MAPK1IP1L: variants seen among roughly 807,000 people sequenced by gnomAD.
MAPK1IP1L encodes the protein mitogen-activated protein kinase 1 interacting protein 1 like.
A neutral mutation model predicts 18.1 loss-of-function variants in MAPK1IP1L; 10 were observed. The ratio of observed to expected loss-of-function variants is 0.55; its 90% CI spans 0.34 to 0.94. MAPK1IP1L has a LOEUF of 0.94. Among genes scored for constraint, MAPK1IP1L ranks in the 40% least tolerant of loss-of-function variants. The pLI, the probability that MAPK1IP1L is intolerant of heterozygous loss-of-function variation, is 0.02. For missense variants in MAPK1IP1L, 260 were observed against 318.2 expected (o/e 0.82, Z 1.39); for synonymous variants, 115 against 117.3 (o/e 0.98, Z 0.13).
chr14:55,061,852 C>T, intron 2 of MAPK1IP1L, 151 bp downstream of exon 2: 1 of 590,548 alleles, frequency 1.7e-6, no homozygotes. Context: ...TTGGGAGGAT[C>T]CCTTGACCCC....
At chr14:55,059,618 G>A (rs2042799990) in intron 1 of MAPK1IP1L, among the ~76,000 whole-genome samples, 1 of 152,206 alleles carries the variant, frequency 6.6e-6, no homozygotes, top group South Asian at 2.1e-4. Flanking sequence ...GGAAATGAAG[G>A]AGGCTCTATA....
chr14:55,066,251 T>C lies in MAPK1IP1L; in HGVS notation c.*1624T>C, dbSNP rs1271058654. 3 of 152,210 alleles carry C rather than the reference T, an allele frequency of 2.0e-5. No individual in the cohort carries two copies. The highest frequency in any genetic ancestry group is 3.8e-4 in the East Asian group (2 of 5,202). 9.4% of individuals were successfully genotyped at this position (152,210 alleles called of 1,614,324 possible). A position where few individuals can be genotyped will look rare whatever the true frequency, so the allele number is the denominator to read the frequency against. On this transcript the variant is annotated 3_prime_UTR_variant, in exon 4 of 4. Transcript: ENST00000395468. ...TTTTTTGGTTTGATAGCTACCTCCT[T>C]CTAAGAAAGCAAAATGGTTACCTTT...
At chr14:55,064,156 G>C (rs1276615907) in intron 3 of MAPK1IP1L, among the ~76,000 whole-genome samples, 1 of 151,566 alleles carries the variant, frequency 6.6e-6, no homozygotes, top group Non-Finnish European at 1.5e-5. Context: ...CACCACACCG[G>C]CTCATTTTTG....
In MAPK1IP1L at chr14:55,051,767, C is replaced by T. The variant is rs2042730205; in HGVS notation, c.-41C>T. The T allele has an allele frequency of 2.0e-6, 1 of 512,292 alleles. No homozygotes were observed. Among genetic ancestry groups the T allele is most frequent in the African/African-American group, 2.0e-5 (1 of 50,538 alleles). The allele number at this position is 512,292 out of a possible 1,614,324, so 31.7% of individuals were successfully genotyped here. A position where few individuals can be genotyped will look rare whatever the true frequency, so the allele number is the denominator to read the frequency against. On this transcript the variant is annotated 5_prime_UTR_variant, in exon 1 of 4. Transcript: ENST00000395468. ...GGGCCCAGTCCCTCGGACCCATCGCCGCTTCTAGACCCTACTGCGGTCTCG... is the reference window on the plus strand; with the variant it reads ...GGGCCCAGTCCCTCGGACCCATCGCTGCTTCTAGACCCTACTGCGGTCTCG...
chr14:55,056,805 G>T (rs757219048), intron 1 of MAPK1IP1L, among the ~76,000 whole-genome samples: 1 of 152,030 alleles, frequency 6.6e-6, no homozygotes, highest in Non-Finnish European at 1.5e-5. Flanking sequence ...CACCGCGCCC[G>T]GCCATGTTTT....
chr14:55,058,095 C>A (rs1320001001), intron 1 of MAPK1IP1L, among the ~76,000 whole-genome samples: 2 of 152,204 alleles, frequency 1.3e-5, no homozygotes, highest in Non-Finnish European at 2.9e-5. Flanking sequence ...GGACGCCATC[C>A]CAGCACAGGG....
intron 2 of MAPK1IP1L, 27 bp downstream of exon 2, chr14:55,061,728 A>T (rs887327410): frequency 1.0e-5 from 16 of 1,536,802 alleles, no homozygotes; most frequent in Middle Eastern, 3.5e-4. Context: ...ATCTGTGATA[A>T]GTTTTTCATC....
chr14:55,056,700 G>A (rs1005642491), intron 1 of MAPK1IP1L, among the ~76,000 whole-genome samples: 1 of 152,056 alleles, frequency 6.6e-6, no homozygotes, highest in Non-Finnish European at 1.5e-5. Context: ...TAGTAGAGAC[G>A]GGGTTTCACC....
intron 1 of MAPK1IP1L, among the ~76,000 whole-genome samples, 165 bp downstream of exon 1, chr14:55,051,968 G>A (rs1448852028): frequency 3.3e-5 from 5 of 152,162 alleles, no homozygotes; most frequent in Admixed American, 6.5e-5. Flanking sequence ...AGGACTAAGC[G>A]TTTCTATCGG....
chr14:55,058,977 T>C (rs1284429821), intron 1 of MAPK1IP1L, among the ~76,000 whole-genome samples: 1 of 151,810 alleles, frequency 6.6e-6, no homozygotes. Context: ...TATATGCAAA[T>C]ACTACACCAT....
At chr14:55,055,448 A>G (rs547495011) in intron 1 of MAPK1IP1L, among the ~76,000 whole-genome samples, 14 of 152,260 alleles carry the variant, frequency 9.2e-5, no homozygotes, top group East Asian at 1.9e-4. Flanking sequence ...AGACTCCCCA[A>G]TGAATCCCTG....
In MAPK1IP1L at chr14:55,054,359, TCTTGAATTCCTGGC is replaced by T. The variant is rs557497095; in HGVS notation, c.-5+2559_-5+2572del. Among the ~76,000 whole-genome samples, 7 of 152,008 alleles carry T rather than the reference TCTTGAATTCCTGGC, an allele frequency of 4.6e-5. No individual in the cohort carries two copies. In the East Asian group the frequency reaches 1.2e-3, roughly 25 times the overall value. On this transcript the variant is annotated intron_variant, in intron 1 of 3. Transcript: ENST00000395468. Reference sequence around the variant, plus strand: ...AGGGTTTTACCATTGGCCAGGCTGGTCTTGAATTCCTGGCCTCAAGTAATCCACCCACCTCGGCC... The same window carrying T: ...AGGGTTTTACCATTGGCCAGGCTGGTCTCAAGTAATCCACCCACCTCGGCC...
intron 1 of MAPK1IP1L, among the ~76,000 whole-genome samples, chr14:55,059,225 G>GAAAAAAAAAAAAAAAAAAAAGAAAATCT (rs2042796450): frequency 1.6e-5 from 1 of 63,280 alleles, no homozygotes; most frequent in African/African-American, 5.8e-5. Flanking sequence ...AGGAAAATCT[G>GAAAAAAAAAAAAAAAAAAAAGAAAATCT]AAAAAAAAAA....
chr14:55,052,761 C>G (rs899440888), intron 1 of MAPK1IP1L, among the ~76,000 whole-genome samples: 2 of 152,202 alleles, frequency 1.3e-5, no homozygotes, highest in Non-Finnish European at 2.9e-5. Context: ...ATGCTGGCAT[C>G]TCTGAGCCCA....
rs749347091 is a variant in MAPK1IP1L, at chr14:55,063,232, G to A, written c.633G>A (p.Ser211=). The change falls in exon 3 of 4, where the codon TCG becomes TCA. Residue 211 remains serine (S), a synonymous_variant. Coordinates refer to ENST00000395468, the MANE Select transcript of MAPK1IP1L (RefSeq NM_144578.4). The part of the protein sequence containing the change: ...PPAPYPAPTG[S]YPTPGLYPTP... Reference sequence around the variant, plus strand: ...CACCATATCCTGCCCCTACAGGATCGTATCCCACACCAGGACTCTATCCTA... The same window carrying A: ...CACCATATCCTGCCCCTACAGGATCATATCCCACACCAGGACTCTATCCTA... 4 of 1,614,104 alleles carry A rather than the reference G, an allele frequency of 2.5e-6. No homozygotes were observed. The highest frequency in any genetic ancestry group is 2.2e-5 in the East Asian group (1 of 44,864).
At chr14:55,061,034 C>T (rs961578761) in intron 1 of MAPK1IP1L, among the ~76,000 whole-genome samples, 4 of 151,780 alleles carry the variant, frequency 2.6e-5, no homozygotes, top group Admixed American at 6.6e-5. Context: ...CCTGTAGTAC[C>T]GGCTATTAGG....
intron 1 of MAPK1IP1L, among the ~76,000 whole-genome samples, chr14:55,057,007 T>G (rs2042777379): frequency 6.6e-6 from 1 of 152,230 alleles, no homozygotes; most frequent in Admixed American, 6.5e-5. Context: ...CATTAGATAC[T>G]GAAAAGTCTT....
At position 55,062,935 on chromosome 14, in the gene MAPK1IP1L, C is replaced by T. The variant is rs1184054640; in HGVS notation, c.336C>T (p.Pro112=). ...CCCCAACTGTGCCGGGCCCTGGCCCCACAGGGCCATATCCTACACCAAATA... is the reference window on the plus strand; with the variant it reads ...CCCCAACTGTGCCGGGCCCTGGCCCTACAGGGCCATATCCTACACCAAATA... ...YPAPTVPGPG[P]TGPYPTPNMP... The change falls in exon 3 of 4, where the codon CCC becomes CCT. Residue 112 remains proline, a synonymous_variant. Transcript: ENST00000395468. 6.2e-7 allele frequency: 1 copy of T among 1,614,076 alleles called. No individual in the cohort carries two copies. Among genetic ancestry groups the T allele is most frequent in the Admixed American group, 1.7e-5 (1 of 60,010 alleles).
intron 2 of MAPK1IP1L, 122 bp downstream of exon 2, chr14:55,061,823 C>T (rs2042820190): frequency 2.7e-6 from 2 of 738,456 alleles, no homozygotes; most frequent in South Asian, 2.0e-5. Context: ...TGGTGGTGTG[C>T]ACCTGTAGTC....
Sources: allele counts gnomAD v4.1 joint callset (sites outside exome capture counted in the v4.1 genomes callset), GRCh38; gene constraint gnomAD v4.1.1; transcripts MANE v1.5; gene names NCBI Gene and HGNC (gene_info 2026-07-23, HGNC 2026-07-21).